KCNH7: variants seen among roughly 807,000 people sequenced by gnomAD.
KCNH7 encodes the protein potassium voltage-gated channel subfamily H member 7, also known as voltage-gated inwardly rectifying potassium channel KCNH7.
Under a neutral mutation model 120.8 loss-of-function variants are expected in KCNH7, and 49 were observed. The ratio of observed to expected loss-of-function variants is 0.41; its 90% CI spans 0.32 to 0.51. The LOEUF (loss-of-function observed/expected upper bound fraction) is 0.51. Among genes scored for constraint, KCNH7 ranks in the 20% least tolerant of loss-of-function variants. The pLI, the probability that KCNH7 is intolerant of heterozygous loss-of-function variation, is 0.38. For synonymous variants in KCNH7, 547 were observed against 516.1 expected (o/e 1.06, Z -0.81); for missense variants, 1,097 against 1,446.6 (o/e 0.76, Z 3.92).
chr2:162,637,705 T>C, intron 2 of KCNH7, among the ~76,000 whole-genome samples: 1 of 152,010 alleles, frequency 6.6e-6, no homozygotes, highest in East Asian at 1.9e-4. Flanking sequence ...ACATCATAAA[T>C]ATATACAATT....
intron 7 of KCNH7, among the ~76,000 whole-genome samples, chr2:162,442,803 C>T (rs1266808449): frequency 6.6e-6 from 1 of 152,170 alleles, no homozygotes; most frequent in Non-Finnish European, 1.5e-5. Context: ...CTGCATTGAG[C>T]TGAGATCACA....
At chr2:162,713,994 C>T (rs1014642531) in intron 2 of KCNH7, among the ~76,000 whole-genome samples, 10 of 152,098 alleles carry the variant, frequency 6.6e-5, no homozygotes, top group East Asian at 1.9e-4. Flanking sequence ...GGTGATCCAC[C>T]GCCTCGGCCT....
intron 2 of KCNH7, among the ~76,000 whole-genome samples, chr2:162,714,311 A>C (rs1009470606): frequency 6.6e-6 from 1 of 152,158 alleles, no homozygotes; most frequent in Admixed American, 6.5e-5. Flanking sequence ...ACTAAGACTC[A>C]TATCAGTTAA....
At chr2:162,421,593 A>T (rs1687710777) in intron 9 of KCNH7, among the ~76,000 whole-genome samples, 1 of 152,178 alleles carries the variant, frequency 6.6e-6, no homozygotes, top group Non-Finnish European at 1.5e-5. Flanking sequence ...TTACACGATA[A>T]TTAAATTGGA....
chr2:162,806,014 T>C (rs947053143), intron 2 of KCNH7, among the ~76,000 whole-genome samples: 6 of 152,156 alleles, frequency 3.9e-5, no homozygotes, highest in African/African-American at 1.2e-4. Flanking sequence ...TTCTCACTTA[T>C]AAGTGGGAGT....
intron 6 of KCNH7, among the ~76,000 whole-genome samples, chr2:162,476,799 T>G (rs909430443): frequency 9.9e-5 from 15 of 152,204 alleles, no homozygotes; most frequent in Admixed American, 4.6e-4. Context: ...ATTGCAAATT[T>G]GAAGCTTCAA....
At chr2:162,491,692 G>A (rs1690314203) in intron 6 of KCNH7, among the ~76,000 whole-genome samples, 1 of 152,166 alleles carries the variant, frequency 6.6e-6, no homozygotes, top group African/African-American at 2.4e-5. Context: ...AGGTTGCCAG[G>A]ACTCGGGGAT....
intron 2 of KCNH7, among the ~76,000 whole-genome samples, chr2:162,816,551 C>T (rs1474700386): frequency 2.0e-5 from 3 of 152,090 alleles, no homozygotes; most frequent in Admixed American, 1.3e-4. Flanking sequence ...AAACTTGATA[C>T]ATCACCTCCT....
chr2:162,606,439 T>A (rs1682776215), intron 2 of KCNH7, among the ~76,000 whole-genome samples: 1 of 152,196 alleles, frequency 6.6e-6, no homozygotes, highest in South Asian at 2.1e-4. Flanking sequence ...TTGATTAATT[T>A]TTAAGTATTC....
chr2:162,726,003 T>G (rs1020552077), intron 2 of KCNH7, among the ~76,000 whole-genome samples: 2 of 152,200 alleles, frequency 1.3e-5, no homozygotes, highest in African/African-American at 4.8e-5. Context: ...CTTTTAAATA[T>G]TAGCCAATCA....
At chr2:162,666,220 A>G (rs1176875892) in intron 2 of KCNH7, among the ~76,000 whole-genome samples, 1 of 152,122 alleles carries the variant, frequency 6.6e-6, no homozygotes, top group Non-Finnish European at 1.5e-5. Context: ...CCTAATTTTC[A>G]GCACTAATGT....
intron 2 of KCNH7, among the ~76,000 whole-genome samples, chr2:162,734,134 C>T (rs924884778): frequency 6.6e-6 from 1 of 151,206 alleles, no homozygotes; most frequent in East Asian, 1.9e-4. Flanking sequence ...TCTAGGAAGT[C>T]TTATTCAAAA....
intron 2 of KCNH7, among the ~76,000 whole-genome samples, chr2:162,687,312 A>G (rs1373268249): frequency 2.0e-5 from 3 of 152,138 alleles, no homozygotes; most frequent in Non-Finnish European, 4.4e-5. Context: ...GGCTCTCAAG[A>G]AAGAATTTTC....
intron 6 of KCNH7, among the ~76,000 whole-genome samples, chr2:162,493,919 C>G (rs900879125): frequency 1.3e-5 from 2 of 152,094 alleles, no homozygotes; most frequent in African/African-American, 4.8e-5. Context: ...AAAAGAAATT[C>G]TGTGTGTGAA....
intron 2 of KCNH7, among the ~76,000 whole-genome samples, chr2:162,823,776 T>C (rs1685194992): frequency 6.6e-6 from 1 of 152,142 alleles, no homozygotes. Flanking sequence ...CCAACTAAAG[T>C]GGTTAAAAGA....
At chr2:162,773,646 A>G (rs1042013648) in intron 2 of KCNH7, among the ~76,000 whole-genome samples, 1 of 151,678 alleles carries the variant, frequency 6.6e-6, no homozygotes, top group Non-Finnish European at 1.5e-5. Context: ...CTACAAAAGC[A>G]AAAACAAAAG....
At chr2:162,797,020 G>C (rs376650120) in intron 2 of KCNH7, 62 of 152,144 alleles carry the variant, frequency 4.1e-4, no homozygotes, top group African/African-American at 1.4e-3. Flanking sequence ...GGTCCATCTA[G>C]AAGAAGTACA....
intron 6 of KCNH7, among the ~76,000 whole-genome samples, chr2:162,451,193 C>G (rs921771384): frequency 6.6e-6 from 1 of 151,956 alleles, no homozygotes; most frequent in Non-Finnish European, 1.5e-5. Flanking sequence ...AACCACCTAT[C>G]TATCCAGAGC....
chr2:162,659,666 A>G (rs983974528), intron 2 of KCNH7, among the ~76,000 whole-genome samples: 1 of 152,144 alleles, frequency 6.6e-6, no homozygotes, highest in Non-Finnish European at 1.5e-5. Flanking sequence ...AATTCTTTTC[A>G]TACATTGTTG....
Sources: allele counts gnomAD v4.1 joint callset (sites outside exome capture counted in the v4.1 genomes callset), GRCh38; gene constraint gnomAD v4.1.1; transcripts MANE v1.5; gene names NCBI Gene and HGNC (gene_info 2026-07-23, HGNC 2026-07-21).